Variants in ALG5 observed in about 807,000 individuals in gnomAD.
ALG5 encodes the protein dolichyl-phosphate beta-glucosyltransferase.
ALG5 carries 26 observed loss-of-function variants against 51.8 expected under a neutral mutation model. The observed-to-expected ratio is 0.50, with a 90% CI of 0.37 to 0.70. The LOEUF is 0.70. ALG5 is among the 30% of genes least tolerant of loss of function. ALG5 has a pLI of 0.00. For synonymous variants in ALG5, 141 were observed against 136.1 expected (o/e 1.04, Z -0.25); for missense variants, 311 against 399.3 (o/e 0.78, Z 1.88).
chr13:36,958,330 C>T (rs894335057), intron 8 of ALG5, among the ~76,000 whole-genome samples: 1 of 152,180 alleles, frequency 6.6e-6, no homozygotes, highest in African/African-American at 2.4e-5. Flanking sequence ...TCACTGCCCA[C>T]ACCCATATGC....
At chr13:36,995,639 T>C (rs2059046090) in intron 1 of ALG5, 43 bp from the exon 2 acceptor site, 1 of 1,546,956 alleles carries the variant, frequency 6.5e-7, no homozygotes, top group Non-Finnish European at 8.7e-7. Context: ...AGAAATTATG[T>C]TTTGCTGACT....
chr13:36,991,368 C>T (rs1219221023), intron 4 of ALG5, among the ~76,000 whole-genome samples: 1 of 151,206 alleles, frequency 6.6e-6, no homozygotes, highest in African/African-American at 2.5e-5. Flanking sequence ...TTACTTTACT[C>T]ATCACAATGC....
intron 6 of ALG5, among the ~76,000 whole-genome samples, chr13:36,977,073 T>G (rs1293945854): frequency 6.6e-6 from 1 of 152,268 alleles, no homozygotes; most frequent in Non-Finnish European, 1.5e-5. Flanking sequence ...CGTTTTTATC[T>G]CAGCATAAGT....
chr13:36,992,421 T>C (rs934878861), intron 4 of ALG5, among the ~76,000 whole-genome samples: 4 of 152,184 alleles, frequency 2.6e-5, no homozygotes, highest in African/African-American at 9.7e-5. Context: ...ATTATATAAG[T>C]AGCTAAGTGA....
Position 36,995,427 on chromosome 13 carries a change from C to T in ALG5, c.236G>A (p.Arg79Gln), listed in dbSNP as rs1445092368. Residue 79 changes from arginine to glutamine, a missense_variant and splice_region_variant, in exon 2 of 10, where the codon CGG becomes CAG. Arg to Gln is a conservative substitution (Grantham distance 43, BLOSUM62 1). Coordinates refer to ENST00000239891, the MANE Select transcript of ALG5 (RefSeq NM_013338.5). ...AAAAAAATCAAAACAGGGCTTACAC[C>T]GTTTTTCTTCATTGTATGAAGGCAC... ...VVVPSYNEEK[R>Q]LPVMMDEALS... 3.1e-6 allele frequency: 5 copies of T among 1,607,668 alleles called. No individual in the cohort carries two copies. Among genetic ancestry groups the T allele is most frequent in the Non-Finnish European group, 4.2e-6 (5 of 1,178,390 alleles).
chr13:36,960,928 A>G (rs1398146944), intron 8 of ALG5, among the ~76,000 whole-genome samples: 1 of 151,940 alleles, frequency 6.6e-6, no homozygotes, highest in Non-Finnish European at 1.5e-5. Flanking sequence ...TATAGGTGTG[A>G]ACCACTACAC....
intron 6 of ALG5, among the ~76,000 whole-genome samples, chr13:36,975,003 G>A (rs2058943553): frequency 6.6e-6 from 1 of 152,156 alleles, no homozygotes. Context: ...ACAAGATCAA[G>A]ATATCCAGAT....
At chr13:36,964,897 C>A (rs73539780) in intron 8 of ALG5, among the ~76,000 whole-genome samples, 1,545 of 147,038 alleles carry the variant, frequency 0.011, 21 homozygotes, top group African/African-American at 0.037. Context: ...TGTACTCCAT[C>A]CTGGGCAACA....
At chr13:36,972,788 C>G (rs370628687) in intron 6 of ALG5, among the ~76,000 whole-genome samples, 18 of 151,896 alleles carry the variant, frequency 1.2e-4, no homozygotes, top group African/African-American at 4.4e-4. Flanking sequence ...GTCAGGAGAT[C>G]GAGATCATCC....
chr13:36,953,635 G>T (rs115379799), intron 8 of ALG5, among the ~76,000 whole-genome samples: 3 of 152,126 alleles, frequency 2.0e-5, no homozygotes, highest in Non-Finnish European at 4.4e-5. Context: ...ATACAGACAA[G>T]AAAATGCCTA....
At chr13:36,986,781 G>C (rs1022337002) in intron 5 of ALG5, among the ~76,000 whole-genome samples, 6 of 152,092 alleles carry the variant, frequency 3.9e-5, no homozygotes, top group Admixed American at 3.9e-4. Flanking sequence ...TAAAAAATTA[G>C]CCTGATATAG....
At chr13:36,962,835 T>C (rs2058874153) in intron 8 of ALG5, among the ~76,000 whole-genome samples, 1 of 152,212 alleles carries the variant, frequency 6.6e-6, no homozygotes, top group Non-Finnish European at 1.5e-5. Context: ...GTGCTGTAAA[T>C]TTGAATATAT....
chr13:36,960,764 C>T (rs2058862712), intron 8 of ALG5, among the ~76,000 whole-genome samples: 1 of 151,790 alleles, frequency 6.6e-6, no homozygotes, highest in African/African-American at 2.4e-5. Context: ...GCCTCAGTGC[C>T]CTGAGTAGCT....
intron 6 of ALG5, among the ~76,000 whole-genome samples, chr13:36,980,034 G>A (rs2058972731): frequency 6.6e-6 from 1 of 152,092 alleles, no homozygotes; most frequent in Non-Finnish European, 1.5e-5. Context: ...GTGACAGAAT[G>A]AGACCTTGTC....
At chr13:36,971,812 C>T (rs2058925225) in intron 7 of ALG5, among the ~76,000 whole-genome samples, 165 bp downstream of exon 7, 1 of 151,906 alleles carries the variant, frequency 6.6e-6, no homozygotes, top group South Asian at 2.1e-4. Context: ...CTAAAATGTG[C>T]CAATCCTTCA....
rs570413841 is a variant in ALG5 at position 36,969,346 on chromosome 13, A to G, written c.621+2631T>C. On this transcript the variant is annotated intron_variant, in intron 7 of 9. Coordinates refer to ENST00000239891, the MANE Select transcript of ALG5 (RefSeq NM_013338.5). ...ATATTACTCACTGGCTCCTAAGTGT[A>G]TTTGGCTATTTTTCCAAACTATCTT... 7.6e-3 allele frequency among the ~76,000 whole-genome samples: 1,073 copies of G among 141,822 alleles called. 16 individuals are homozygous for G. Among genetic ancestry groups the G allele is most frequent in the African/African-American group, 0.027 (1,023 of 38,086 alleles). 93.0% of individuals were successfully genotyped at this position (141,822 alleles called of 152,430 possible). A position where few individuals can be genotyped will look rare whatever the true frequency, so the allele number is the denominator to read the frequency against.
intron 8 of ALG5, among the ~76,000 whole-genome samples, chr13:36,957,019 C>T (rs979914308): frequency 2.6e-5 from 4 of 151,846 alleles, no homozygotes; most frequent in African/African-American, 7.3e-5. Flanking sequence ...GGCTAGCCAC[C>T]GAAGAAGGAA....
intron 7 of ALG5, 59 bp downstream of exon 7, chr13:36,971,918 T>TA: frequency 3.7e-6 from 5 of 1,344,876 alleles, no homozygotes; most frequent in African/African-American, 1.5e-5. Flanking sequence ...GATATATATA[T>TA]AAAAAAAGAA....
At chr13:36,978,923 AAAAAAAAAAG>A (rs1372749537) in intron 6 of ALG5, among the ~76,000 whole-genome samples, 2 of 151,262 alleles carry the variant, frequency 1.3e-5, no homozygotes. Flanking sequence ...CTCAATTAAA[AAAAAAAAAAG>A]GAAAAAAAAA....
Sources: allele counts gnomAD v4.1 joint callset (sites outside exome capture counted in the v4.1 genomes callset), GRCh38; gene constraint gnomAD v4.1.1; transcripts MANE v1.5; gene names NCBI Gene and HGNC (gene_info 2026-07-23, HGNC 2026-07-21).